The following TAB1 variants were observed in gnomAD, a reference collection of about 807,000 sequenced individuals.
The protein encoded by TAB1 is TGF-beta-activated kinase 1 and MAP3K7-binding protein 1.
Under a neutral mutation model 54.5 loss-of-function variants are expected in TAB1, and 30 were observed. The ratio of observed to expected loss-of-function variants is 0.55; its 90% CI spans 0.41 to 0.75. The LOEUF (loss-of-function observed/expected upper bound fraction) is 0.75, where lower values mean the gene tolerates loss of function less well. Among genes scored for constraint, TAB1 ranks in the 30% least tolerant of loss-of-function variants. TAB1 has a pLI of 0.00. For missense variants in TAB1, 609 were observed against 683.2 expected, an observed-to-expected ratio of 0.89 and a Z score of 1.21; for synonymous variants, 289 against 286.9, an observed-to-expected ratio of 1.01 and a Z score of -0.07.
Position 39,417,447 on chromosome 22 carries a change from C to T in TAB1, c.412-264C>T, listed in dbSNP as rs183240407. Among the ~76,000 whole-genome samples the T allele has an allele frequency of 9.8e-4, 149 of 152,172 alleles. No individual in the cohort carries two copies. The East Asian group carries it at 0.014, about 14-fold the overall frequency. On this transcript the variant is annotated intron_variant, in intron 4 of 10. Coordinates refer to ENST00000216160, the MANE Select transcript of TAB1 (RefSeq NM_006116.3). The stretch of plus-strand genomic sequence containing the variant: ...CATCCTGGCTAACATGGTGAAACCC[C>T]GTCTCTACTAAAAATACAAAAAATT...
intron 8 of TAB1, among the ~76,000 whole-genome samples, chr22:39,425,784 G>C (rs1055382914): frequency 6.6e-6 from 1 of 151,544 alleles, no homozygotes; most frequent in African/African-American, 2.4e-5. Context: ...CTGACCTCAT[G>C]ATCGGCCTGC....
chr22:39,427,864 G>T (rs1332276139), intron 9 of TAB1, among the ~76,000 whole-genome samples, 157 bp from the exon 10 acceptor site: 1 of 152,172 alleles, frequency 6.6e-6, no homozygotes, highest in African/African-American at 2.4e-5. Context: ...TGTCCCAAGG[G>T]GCAGGGGGCC....
Position 39,420,773 on chromosome 22 carries a change from C to CTG in TAB1, c.777-1053_777-1052insGT, listed in dbSNP as rs765689530. On this transcript the variant is annotated intron_variant, in intron 7 of 10. Transcript: ENST00000216160. ...ACATGCACATATACACACACGGTGT[C>CTG]TCTGTGTGTGTGTGTGTGTGTGTGT... 6.1e-4 allele frequency among the ~76,000 whole-genome samples: 65 copies of CTG among 106,072 alleles called. 1 individual carries two copies. Among genetic ancestry groups the CTG allele is most frequent in the Non-Finnish European group, 1.1e-3 (56 of 53,240 alleles). 69.6% of individuals were successfully genotyped at this position (106,072 alleles called of 152,430 possible).
At chr22:39,412,529 G>T (rs1023742581) in intron 1 of TAB1, among the ~76,000 whole-genome samples, 1 of 152,080 alleles carries the variant, frequency 6.6e-6, no homozygotes, top group African/African-American at 2.4e-5. Context: ...CCATGTTAAT[G>T]TAAAAATAAA....
At chr22:39,409,509 G>A (rs951057437) in intron 1 of TAB1, among the ~76,000 whole-genome samples, 1 of 152,230 alleles carries the variant, frequency 6.6e-6, no homozygotes, top group South Asian at 2.1e-4. Context: ...GGCATGGAGC[G>A]TCTTTCCCCT....
rs151120013 is a variant in TAB1, at chr22:39,404,431, G to A, written c.33+4596G>A. On this transcript the variant is annotated intron_variant, in intron 1 of 10. Coordinates refer to ENST00000216160, the MANE Select transcript of TAB1 (RefSeq NM_006116.3). ...AGATTCAGTCTTTAAAAAAATTAGT[G>A]AGGCATGGTGGTATGTGCCTGTAGT... Among the ~76,000 whole-genome samples the A allele has an allele frequency of 7.8e-3, 1,186 of 152,160 alleles. 12 individuals are homozygous for A. Among genetic ancestry groups the A allele is most frequent in the Non-Finnish European group, 0.012 (788 of 68,008 alleles).
chr22:39,426,995 C>T, intron 9 of TAB1, 70 bp downstream of exon 9: 1 of 1,499,544 alleles, frequency 6.7e-7, no homozygotes, highest in East Asian at 2.3e-5. Context: ...TGCAGAGCCC[C>T]CGAGGCTGCT....
rs2269549 is a variant in TAB1, at chr22:39,417,348, T to C, written c.412-363T>C. On this transcript the variant is annotated intron_variant, in intron 4 of 10. Coordinates refer to ENST00000216160, the MANE Select transcript of TAB1 (RefSeq NM_006116.3). Reference sequence around the variant, plus strand: ...CTTAAGAGCAAAGGGAGGCCGGGCATGGTGGCTCACGCCTGTAATCCCAGC... The same window carrying C: ...CTTAAGAGCAAAGGGAGGCCGGGCACGGTGGCTCACGCCTGTAATCCCAGC... Among the ~76,000 whole-genome samples, 862 of 152,230 alleles carry C rather than the reference T, an allele frequency of 5.7e-3. 53 individuals are homozygous for C. The East Asian group carries it at 0.14, about 25-fold the overall frequency.
intron 1 of TAB1, among the ~76,000 whole-genome samples, chr22:39,401,392 T>C: frequency 6.6e-6 from 1 of 152,234 alleles, no homozygotes. Flanking sequence ...GCATTGATTT[T>C]AGACGGCTGG....
At chr22:39,412,938 G>A (rs889552158) in intron 1 of TAB1, among the ~76,000 whole-genome samples, 1 of 111,130 alleles carries the variant, frequency 9.0e-6, no homozygotes, top group African/African-American at 3.5e-5. Context: ...TTTTTGAGAT[G>A]GAGTCTCGCT....
chr22:39,402,383 C>T (rs1184723181), intron 1 of TAB1, among the ~76,000 whole-genome samples: 1 of 152,138 alleles, frequency 6.6e-6, no homozygotes, highest in East Asian at 1.9e-4. Flanking sequence ...ACAATTAGTA[C>T]TACAAGTCTA....
Position 39,415,553 on chromosome 22 carries a change from G to T in TAB1, c.224G>T (p.Arg75Leu). The change falls in exon 3 of 11, where the codon CGA becomes CTA. Residue 75 changes from arginine (R) to leucine (L), a missense_variant. Coordinates refer to ENST00000216160, the MANE Select transcript of TAB1 (RefSeq NM_006116.3). This position sits in a 1 kb window ranked among gnomAD's most constrained non-coding sequence, Gnocchi z 4.9. ...GTCTTCAACGGCTATGATGGCAACC[G>T]AGTGACCAACTTCGTGGCCCAGCGG... ...YGVFNGYDGN[R>L]VTNFVAQRLS... The T allele has an allele frequency of 6.2e-7, 1 of 1,614,186 alleles. No homozygotes were observed. The highest frequency in any genetic ancestry group is 8.5e-7 in the Non-Finnish European group (1 of 1,180,042).
At chr22:39,404,022 G>A (rs1054593807) in intron 1 of TAB1, among the ~76,000 whole-genome samples, 2 of 152,186 alleles carry the variant, frequency 1.3e-5, no homozygotes, top group South Asian at 2.1e-4. Flanking sequence ...TCATCCAGGT[G>A]CGAGAAGGTG....
At chr22:39,424,740 G>A (rs973174042) in intron 8 of TAB1, among the ~76,000 whole-genome samples, 4 of 152,010 alleles carry the variant, frequency 2.6e-5, no homozygotes, top group African/African-American at 7.3e-5. Flanking sequence ...GAGCCACTGC[G>A]CCCAGCCTGT....
rs1555949271 is a variant in TAB1, at chr22:39,412,892, C to CCT, written c.34-2114_34-2113insCT. Among the ~76,000 whole-genome samples the CCT allele has an allele frequency of 3.0e-3, 275 of 90,476 alleles. 2 individuals carry two copies. The highest frequency in any genetic ancestry group is 0.011 in the African/African-American group (260 of 22,752). 59.4% of individuals were successfully genotyped at this position (90,476 alleles called of 152,430 possible). On this transcript the variant is annotated intron_variant, in intron 1 of 10. Coordinates refer to ENST00000216160, the MANE Select transcript of TAB1 (RefSeq NM_006116.3). ...TGTATGTTGATTCCATATCCTGCAACTTTTTTTTTTTTTTTTTTTTTTGAG... is the reference window on the plus strand; with the variant it reads ...TGTATGTTGATTCCATATCCTGCAACCTTTTTTTTTTTTTTTTTTTTTTTGAG...
At chr22:39,406,726 G>C (rs889939924) in intron 1 of TAB1, among the ~76,000 whole-genome samples, 1 of 151,890 alleles carries the variant, frequency 6.6e-6, no homozygotes, top group Non-Finnish European at 1.5e-5. Flanking sequence ...TCTGCCTCCC[G>C]GGTTCACACC....
chr22:39,421,878 G>T lies in TAB1; in HGVS notation c.828G>T (p.Gln276His). ...CAGAGCCAGAAATCCATGGGGCACAGCCGCTGGATGGGGTGACGGGCTTCT... is the reference window on the plus strand; with the variant it reads ...CAGAGCCAGAAATCCATGGGGCACATCCGCTGGATGGGGTGACGGGCTTCT... ...IIAEPEIHGA[Q>H]PLDGVTGFLV... Residue 276 changes from glutamine to histidine, a missense_variant, in exon 8 of 11, where the codon CAG (glutamine) becomes CAT (histidine). By Grantham distance (24) the Gln-to-His change is conservative. Coordinates refer to ENST00000216160, the MANE Select transcript of TAB1 (RefSeq NM_006116.3). 6.2e-7 allele frequency: 1 copy of T among 1,614,072 alleles called. No homozygotes were observed. Among genetic ancestry groups the T allele is most frequent in the Non-Finnish European group, 8.5e-7 (1 of 1,179,966 alleles).
intron 1 of TAB1, among the ~76,000 whole-genome samples, chr22:39,400,165 C>A (rs111642786): frequency 1.3e-5 from 2 of 152,216 alleles, no homozygotes; most frequent in African/African-American, 4.8e-5. Context: ...ACCGAGCAGA[C>A]GTGCAATGAT....
chr22:39,421,139 A>G (rs1927073470), intron 7 of TAB1, among the ~76,000 whole-genome samples: 1 of 151,996 alleles, frequency 6.6e-6, no homozygotes, highest in Non-Finnish European at 1.5e-5. Context: ...TATTTCATGC[A>G]TACAACTTGA....
Sources: gnomAD v4.1 joint callset for allele counts (sites outside exome capture counted in the v4.1 genomes callset) on GRCh38, gnomAD v4.1.1 for gene constraint, Gnocchi (gnomAD v3.1) non-coding constraint, MANE v1.5 for transcripts, NCBI Gene and HGNC (gene_info 2026-07-23, HGNC 2026-07-21) for gene names.